The following LRRC4C variants were observed in gnomAD, a reference collection of about 807,000 sequenced individuals.
The protein encoded by LRRC4C is leucine rich repeat containing 4C.
LRRC4C carries 5 observed loss-of-function variants against 33.6 expected under a neutral mutation model. That is an observed-to-expected ratio of 0.15 (90% CI 0.08 to 0.31). LRRC4C has a LOEUF of 0.31. Among genes scored for constraint, LRRC4C ranks in the 10% least tolerant of loss-of-function variants. The pLI is 1.00. For missense variants in LRRC4C, 560 were observed against 796.7 expected (o/e 0.70, Z 3.58); for synonymous variants, 329 against 302.0 (o/e 1.09, Z -0.93).
At chr11:40,778,722 T>C (rs1591697092) in intron 2 of LRRC4C, among the ~76,000 whole-genome samples, 1 of 152,088 alleles carries the variant, frequency 6.6e-6, no homozygotes, top group South Asian at 2.1e-4. Context: ...GTGACAAGAA[T>C]GAGGCAGTTG....
At chr11:40,899,161 A>G (rs751626184) in intron 2 of LRRC4C, among the ~76,000 whole-genome samples, 3 of 151,664 alleles carry the variant, frequency 2.0e-5, no homozygotes, top group Non-Finnish European at 4.4e-5. Context: ...ATTGCCATTT[A>G]TAAATGCCTG....
chr11:40,418,472 T>A (rs7946205), intron 3 of LRRC4C, among the ~76,000 whole-genome samples: 2 of 152,206 alleles, frequency 1.3e-5, no homozygotes, highest in Non-Finnish European at 2.9e-5. Flanking sequence ...AGATGCTGGC[T>A]AGGCTGTGGA....
intron 3 of LRRC4C, among the ~76,000 whole-genome samples, chr11:40,419,463 G>A (rs1186472383): frequency 6.6e-6 from 1 of 152,104 alleles, no homozygotes; most frequent in African/African-American, 2.4e-5. Flanking sequence ...AGTCACATTG[G>A]AAACTGTGAA....
At chr11:41,278,677 G>A (rs1444563787) in intron 1 of LRRC4C, among the ~76,000 whole-genome samples, 1 of 152,202 alleles carries the variant, frequency 6.6e-6, no homozygotes, top group Non-Finnish European at 1.5e-5. Context: ...CCTGGGTGAT[G>A]CTGCTGCTGG....
intron 6 of LRRC4C, among the ~76,000 whole-genome samples, chr11:40,126,329 G>A (rs1856222677): frequency 6.6e-6 from 1 of 152,048 alleles, no homozygotes; most frequent in African/African-American, 2.4e-5. Context: ...GTGACTATAT[G>A]TTACTAGTGA....
At chr11:40,755,281 C>G (rs1180006027) in intron 2 of LRRC4C, among the ~76,000 whole-genome samples, 1 of 152,020 alleles carries the variant, frequency 6.6e-6, no homozygotes, top group Non-Finnish European at 1.5e-5. Context: ...AGCTCTTTTA[C>G]TTATTAACTA....
chr11:40,639,268 T>C (rs1476209889), intron 3 of LRRC4C, among the ~76,000 whole-genome samples: 1 of 152,094 alleles, frequency 6.6e-6, no homozygotes, highest in Non-Finnish European at 1.5e-5. Flanking sequence ...TGAAGGCAAG[T>C]CAGACTTTTA....
At position 41,382,514 on chromosome 11, in the gene LRRC4C, T is replaced by A. The variant is rs555882953; in HGVS notation, c.-496+76917A>T. Among the ~76,000 whole-genome samples, 4 of 152,246 alleles carry A rather than the reference T, an allele frequency of 2.6e-5. No individual in the cohort carries two copies. In the South Asian group the frequency reaches 8.3e-4, roughly 32 times the overall value. On this transcript the variant is annotated intron_variant, in intron 1 of 6. Coordinates refer to ENST00000528697, the MANE Select transcript of LRRC4C (RefSeq NM_001258419.2). ...CAATTATATAAGCTAAAATATTGCTTGGAAAATAATAGGTTTTCAATAAAT... is the reference window on the plus strand; with the variant it reads ...CAATTATATAAGCTAAAATATTGCTAGGAAAATAATAGGTTTTCAATAAAT...
chr11:40,849,331 G>T (rs1953362700), intron 2 of LRRC4C, among the ~76,000 whole-genome samples: 1 of 152,180 alleles, frequency 6.6e-6, no homozygotes, highest in African/African-American at 2.4e-5. Context: ...TGTAAGGCAG[G>T]CCTGGTGGTG....
chr11:40,684,504 C>T (rs1944858925), intron 2 of LRRC4C, among the ~76,000 whole-genome samples: 1 of 151,796 alleles, frequency 6.6e-6, no homozygotes, highest in South Asian at 2.1e-4. Flanking sequence ...GAAGACCTAA[C>T]ATATATCTAA....
At chr11:41,269,915 C>G (rs999809498) in intron 1 of LRRC4C, among the ~76,000 whole-genome samples, 3 of 151,964 alleles carry the variant, frequency 2.0e-5, no homozygotes, top group Non-Finnish European at 4.4e-5. Flanking sequence ...AGCTTTGATT[C>G]AAAAAGAACT....
At chr11:41,081,963 T>A (rs1224879196) in intron 1 of LRRC4C, among the ~76,000 whole-genome samples, 1 of 152,166 alleles carries the variant, frequency 6.6e-6, no homozygotes, top group Non-Finnish European at 1.5e-5. Flanking sequence ...GGGCAGCTGC[T>A]TCATCAGTGC....
chr11:40,796,800 C>T (rs1208333237), intron 2 of LRRC4C, among the ~76,000 whole-genome samples: 10 of 152,010 alleles, frequency 6.6e-5, no homozygotes, highest in Admixed American at 2.0e-4. Context: ...GCATGCACCA[C>T]GATGCCTGGC....
chr11:40,419,562 C>A (rs560038396), intron 3 of LRRC4C, among the ~76,000 whole-genome samples: 26 of 152,084 alleles, frequency 1.7e-4, no homozygotes, highest in South Asian at 6.2e-4. Context: ...CAAAAATATC[C>A]TTCAGGAATA....
chr11:41,217,052 C>A (rs1034389424), intron 1 of LRRC4C, among the ~76,000 whole-genome samples: 8 of 151,974 alleles, frequency 5.3e-5, no homozygotes, highest in Admixed American at 3.3e-4. Flanking sequence ...TCTGATACTA[C>A]AACATCCCTA....
chr11:40,894,973 A>AT (rs1955873991), intron 2 of LRRC4C, among the ~76,000 whole-genome samples: 1 of 152,082 alleles, frequency 6.6e-6, no homozygotes, highest in Non-Finnish European at 1.5e-5. Context: ...CCTCTAACTC[A>AT]TATCTCTCTT....
In LRRC4C at chr11:40,407,141, A is replaced by G. The variant is rs185959547; in HGVS notation, c.-269-87420T>C. On this transcript the variant is annotated intron_variant, in intron 3 of 6. Coordinates refer to ENST00000528697, the MANE Select transcript of LRRC4C (RefSeq NM_001258419.2). Reference sequence around the variant, plus strand: ...GAATCTTATGATCTAGATTCAAAAGACATTTTCATAGGATCGGTTGGATTG... The same window carrying G: ...GAATCTTATGATCTAGATTCAAAAGGCATTTTCATAGGATCGGTTGGATTG... 5.3e-5 allele frequency among the ~76,000 whole-genome samples: 8 copies of G among 152,240 alleles called. No homozygotes were observed. In the East Asian group the frequency reaches 1.5e-3, roughly 29 times the overall value.
chr11:40,938,120 G>T lies in LRRC4C; in HGVS notation c.-495-4397C>A, dbSNP rs185113723. Among the ~76,000 whole-genome samples, 12 of 152,264 alleles carry T rather than the reference G, an allele frequency of 7.9e-5. No individual in the cohort carries two copies. The East Asian group carries it at 2.3e-3, about 29-fold the overall frequency. ...AAGTCATTTAAAAAGCATCACTTAA[G>T]AATGTTCTTTCAGTAGTTATCCTGC... On this transcript the variant is annotated intron_variant, in intron 1 of 6. Coordinates refer to ENST00000528697, the MANE Select transcript of LRRC4C (RefSeq NM_001258419.2).
intron 2 of LRRC4C, among the ~76,000 whole-genome samples, chr11:40,758,260 T>C (rs905491118): frequency 6.6e-6 from 1 of 152,008 alleles, no homozygotes; most frequent in African/African-American, 2.4e-5. Flanking sequence ...TAAAAAATTA[T>C]GCCTCCTACC....
Sources: allele counts gnomAD v4.1 joint callset (sites outside exome capture counted in the v4.1 genomes callset), GRCh38; gene constraint gnomAD v4.1.1; transcripts MANE v1.5; gene names NCBI Gene and HGNC (gene_info 2026-07-23, HGNC 2026-07-21).